Variants in SERPINA11 observed in about 807,000 individuals in gnomAD.
The protein encoded by SERPINA11 is serpin family A member 11, also known as serpin A11.
A neutral mutation model predicts 29.4 loss-of-function variants in SERPINA11; 28 were observed. The observed-to-expected ratio is 0.95, with a 90% CI of 0.70 to 1.30. The LOEUF (loss-of-function observed/expected upper bound fraction) is 1.30, where lower values mean the gene tolerates loss of function less well. SERPINA11 is among the 50% of genes most tolerant of loss of function. The pLI is 0.00. For synonymous variants in SERPINA11, 253 were observed against 206.6 expected (o/e 1.22, Z -1.92); for missense variants, 530 against 507.3 (o/e 1.04, Z -0.43).
chr14:94,449,444 T>TCTTC (rs1898531521), intron 1 of SERPINA11, among the ~76,000 whole-genome samples: 4 of 110,782 alleles, frequency 3.6e-5, no homozygotes, highest in African/African-American at 2.1e-4. Context: ...TTTCTTTCTT[T>TCTTC]CTTTCTTTCT....
At position 94,442,758 on chromosome 14, in the gene SERPINA11, C is replaced by T; in HGVS notation, c.1117G>A (p.Ala373Thr). 6.2e-7 allele frequency: 1 copy of T among 1,613,134 alleles called. No individual in the cohort carries two copies. Among genetic ancestry groups the T allele is most frequent in the East Asian group, 2.2e-5 (1 of 44,864 alleles). The change falls in exon 5 of 5, where the codon GCT (alanine) becomes ACT (threonine). Residue 373 changes from alanine to threonine, a missense_variant. Transcript: ENST00000334708. Reference protein sequence around the residue: ...DMSEKGTEAGAASGLLSQPPS... With the variant: ...DMSEKGTEAGTASGLLSQPPS... ...GGCTGGGAGAGGAGGCCTGAAGCAG[C>T]CCCGGCCTCGGTCCCCTTCTCACTC...
chr14:94,446,162 C>G (rs866409276), intron 3 of SERPINA11, among the ~76,000 whole-genome samples, 169 bp downstream of exon 3: 1 of 152,160 alleles, frequency 6.6e-6, no homozygotes, highest in East Asian at 1.9e-4. Flanking sequence ...CTTAGTTTTA[C>G]AGTAGAGGCC....
intron 3 of SERPINA11, among the ~76,000 whole-genome samples, chr14:94,444,688 A>C (rs1276886667): frequency 6.6e-6 from 1 of 152,160 alleles, no homozygotes. Flanking sequence ...TTGGTGTTTT[A>C]ATCTCTGCCC....
chr14:94,449,044 A>G (rs1203068778), intron 1 of SERPINA11, among the ~76,000 whole-genome samples: 3 of 152,164 alleles, frequency 2.0e-5, no homozygotes, highest in African/African-American at 7.2e-5. Flanking sequence ...CAATAGCAAT[A>G]ACAACAACAA....
rs993393778 is a variant in SERPINA11, at chr14:94,448,124, A to G, written c.643+8T>C. 2 of 1,610,974 alleles carry G rather than the reference A, an allele frequency of 1.2e-6. No homozygotes were observed. Among genetic ancestry groups the G allele is most frequent in the African/African-American group, 2.7e-5 (2 of 74,854 alleles). ...CAGTGGCAATAATTCTGTCAGAGCA[A>G]GCCTCACCTTTGAAGAAGATGTAAT... On this transcript the variant is annotated splice_region_variant and intron_variant, in intron 2 of 4. Transcript: ENST00000334708.
In SERPINA11 at chr14:94,448,198, C is replaced by T. The variant is rs201110965; in HGVS notation, c.577G>A (p.Val193Met). The T allele has an allele frequency of 6.6e-5, 106 of 1,614,072 alleles. No homozygotes were observed. Among genetic ancestry groups the T allele is most frequent in the Middle Eastern group, 1.6e-4 (1 of 6,084 alleles). Reference protein sequence around the residue: ...YLRRQTYGQVVDCLPEFSQDT... With the variant: ...YLRRQTYGQVMDCLPEFSQDT... The stretch of plus-strand genomic sequence containing the variant: ...TGGCTGAACTCCGGGAGGCAGTCCA[C>T]GACTTGCCCGTATGTTTGCCTTCTC... Residue 193 changes from valine (V) to methionine (M), a missense_variant, in exon 2 of 5, where the codon GTG (valine) becomes ATG (methionine). Physicochemically the swap from Val to Met is conservative, Grantham distance 21. Transcript: ENST00000334708.
chr14:94,446,239 G>T, intron 3 of SERPINA11, 92 bp downstream of exon 3: 1 of 1,180,550 alleles, frequency 8.5e-7, no homozygotes, highest in Non-Finnish European at 1.2e-6. Flanking sequence ...GCCTAATCGA[G>T]ATGGATGTTG....
At chr14:94,444,155 G>T (rs1324564801) in intron 3 of SERPINA11, among the ~76,000 whole-genome samples, 1 of 152,124 alleles carries the variant, frequency 6.6e-6, no homozygotes, top group Non-Finnish European at 1.5e-5. Flanking sequence ...AGCAAGACCC[G>T]CGCCAGTTGG....
chr14:94,446,828 A>G (rs1898449460), intron 2 of SERPINA11, among the ~76,000 whole-genome samples: 1 of 152,224 alleles, frequency 6.6e-6, no homozygotes, highest in Non-Finnish European at 1.5e-5. Flanking sequence ...TTTCAGAGGA[A>G]CTTAGCTTCT....
chr14:94,446,535 G>T lies in SERPINA11; in HGVS notation c.713C>A (p.Thr238Asn). ...KQESFFVDER[T>N]SLQVPMMHQK... ...GTGCATCATGGGGACCTGGAGAGAA[G>T]TCCTCTCATCCACAAAGAAACTTTC... The change falls in exon 3 of 5, where the codon ACT becomes AAT. Residue 238 changes from threonine (T) to asparagine (N), a missense_variant. Physicochemically the swap from Thr to Asn is moderately conservative, Grantham distance 65. Coordinates refer to ENST00000334708, the MANE Select transcript of SERPINA11 (RefSeq NM_001080451.2). The T allele has an allele frequency of 6.2e-7, 1 of 1,614,164 alleles. No homozygotes were observed.
chr14:94,450,140 C>G (rs1371493122), intron 1 of SERPINA11, among the ~76,000 whole-genome samples: 1 of 152,152 alleles, frequency 6.6e-6, no homozygotes, highest in Non-Finnish European at 1.5e-5. Context: ...TGGGATGCCT[C>G]TTGTCACAAG....
At position 94,450,213 on chromosome 14, in the gene SERPINA11, G is replaced by A. The variant is rs112035535; in HGVS notation, c.-3-1436C>T. ...GGGCTGTGGGGATGATGTCTGTTAC[G>A]TGCTGAATTGTACCTGCCCGAAATT... On this transcript the variant is annotated intron_variant, in intron 1 of 4. Coordinates refer to ENST00000334708, the MANE Select transcript of SERPINA11 (RefSeq NM_001080451.2). Among the ~76,000 whole-genome samples the A allele has an allele frequency of 1.1e-4, 17 of 152,192 alleles. 1 individual carries two copies. The highest frequency in any genetic ancestry group is 3.9e-4 in the East Asian group (2 of 5,170).
chr14:94,444,173 G>A (rs1025073825), intron 3 of SERPINA11, among the ~76,000 whole-genome samples: 3 of 152,170 alleles, frequency 2.0e-5, no homozygotes, highest in African/African-American at 7.2e-5. Flanking sequence ...TGGCTGGGGG[G>A]TGGAATAGAG....
rs1204702266 is a variant in SERPINA11 at position 94,448,409 on chromosome 14, G to A, written c.366C>T (p.Leu122=). ...EADIHQGFRS[L]LHTLALPSPK... is the part of the protein sequence containing the mutation. Reference sequence around the variant, plus strand: ...GGCTGGGCAGGGCAAGGGTGTGGAGGAGGCTCCGGAAGCCCTGGTGGATGT... The same window carrying A: ...GGCTGGGCAGGGCAAGGGTGTGGAGAAGGCTCCGGAAGCCCTGGTGGATGT... Residue 122 remains leucine, a synonymous_variant, in exon 2 of 5, where the codon CTC becomes CTT. Coordinates refer to ENST00000334708, the MANE Select transcript of SERPINA11 (RefSeq NM_001080451.2). 4 of 1,614,058 alleles carry A rather than the reference G, an allele frequency of 2.5e-6. No homozygotes were observed. The highest frequency in any genetic ancestry group is 4.5e-5 in the East Asian group (2 of 44,896).
Position 94,449,397 on chromosome 14 carries a change from T to C in SERPINA11, c.-3-620A>G, listed in dbSNP as rs1566784521. ...ATAGTCTAGCCTCCCTCCCTCTTTC[T>C]TTCTTTCTATTCTTTCTTTCTTTCT... is the stretch of plus-strand genomic sequence containing the variant. On this transcript the variant is annotated intron_variant, in intron 1 of 4. Coordinates refer to ENST00000334708, the MANE Select transcript of SERPINA11 (RefSeq NM_001080451.2). Among the ~76,000 whole-genome samples, 21 of 31,726 alleles carry C rather than the reference T, an allele frequency of 6.6e-4. 1 individual carries two copies. Among genetic ancestry groups the C allele is most frequent in the African/African-American group, 2.8e-3 (21 of 7,538 alleles). The allele number at this position is 31,726 out of a possible 152,430, so 20.8% of individuals were successfully genotyped here.
intron 3 of SERPINA11, among the ~76,000 whole-genome samples, chr14:94,443,536 G>A (rs1898382576): frequency 6.6e-6 from 1 of 152,144 alleles, no homozygotes; most frequent in African/African-American, 2.4e-5. Flanking sequence ...GTTTTTTCAA[G>A]GCTGAACTGA....
chr14:94,442,683 A>G lies in SERPINA11; in HGVS notation c.1192T>C (p.Phe398Leu). The G allele has an allele frequency of 6.2e-7, 1 of 1,613,220 alleles. No individual in the cohort carries two copies. Among genetic ancestry groups the G allele is most frequent in the Non-Finnish European group, 8.5e-7 (1 of 1,179,632 alleles). The change falls in exon 5 of 5, where the codon TTC (phenylalanine) becomes CTC (leucine). Residue 398 changes from phenylalanine to leucine, a missense_variant. Coordinates refer to ENST00000334708, the MANE Select transcript of SERPINA11 (RefSeq NM_001080451.2). ...SDPHAHFNRP[F>L]LLLLWEVTTQ... ...GTGACCTCCCAAAGGAGCAAGAGGA[A>G]AGGCCTGTTGAAGTGGGCATGTGGG...
chr14:94,447,390 G>A (rs930790737), intron 2 of SERPINA11, among the ~76,000 whole-genome samples: 1 of 152,126 alleles, frequency 6.6e-6, no homozygotes, highest in Non-Finnish European at 1.5e-5. Context: ...AAGTATTGCT[G>A]ATTCTACCTC....
chr14:94,448,733 CAGGA>C lies in SERPINA11; in HGVS notation c.38_41del (p.Ile13ArgfsTer65), dbSNP rs1898499414. On this transcript the variant is annotated frameshift_variant, in exon 2 of 5. Transcript: ENST00000334708. LOFTEE classifies it high-confidence loss of function. ...GAAGGGGCTGACAGTGGACAGAGGC[CAGGA>C]TCCCTGTTCCCAGTAGCCAAAGCCA... 6.6e-7 allele frequency: 1 copy of C among 1,517,538 alleles called. No individual in the cohort carries two copies. The highest frequency in any genetic ancestry group is 1.3e-5 in the South Asian group (1 of 74,314). 94.0% of individuals were successfully genotyped at this position (1,517,538 alleles called of 1,614,324 possible).
Sources: gnomAD v4.1 joint callset for allele counts (sites outside exome capture counted in the v4.1 genomes callset) on GRCh38, gnomAD v4.1.1 for gene constraint, MANE v1.5 for transcripts, NCBI Gene and HGNC (gene_info 2026-07-23, HGNC 2026-07-21) for gene names.